BPIFA2: variants seen among roughly 807,000 people sequenced by gnomAD.
BPIFA2 encodes the protein BPI fold containing family A member 2, also known as BPI fold-containing family A member 2.
A neutral mutation model predicts 25.7 loss-of-function variants in BPIFA2; 20 were observed. The ratio of observed to expected loss-of-function variants is 0.78; its 90% CI spans 0.55 to 1.13. The LOEUF is 1.13. Among genes scored for constraint, BPIFA2 ranks in the 50% most tolerant of loss-of-function variants. The probability of loss-of-function intolerance (pLI) is 0.00; values close to 1 mark genes in which losing one functional copy is unlikely to be tolerated. For missense variants in BPIFA2, 300 were observed against 298.1 expected (o/e 1.01, Z -0.05); for synonymous variants, 126 against 124.3 (o/e 1.01, Z -0.09).
At chr20:33,177,747 A>C (rs936808698) in intron 5 of BPIFA2, among the ~76,000 whole-genome samples, 3 of 152,204 alleles carry the variant, frequency 2.0e-5, no homozygotes, top group African/African-American at 7.2e-5. Context: ...GGGAGGAGCC[A>C]ACTTTGGCAA....
upstream of BPIFA2, among the ~76,000 whole-genome samples, chr20:33,165,325 A>G (rs1983691783): frequency 6.6e-6 from 1 of 152,368 alleles, no homozygotes; most frequent in East Asian, 1.9e-4. Context: ...CAAAATGGTG[A>G]CAAGCCTTTC....
At position 33,175,438 on chromosome 20, in the gene BPIFA2, G is replaced by C. The variant is rs780402744; in HGVS notation, c.442G>C (p.Ala148Pro). The C allele has an allele frequency of 2.5e-6, 4 of 1,613,970 alleles. No homozygotes were observed. The South Asian group carries it at 3.3e-5, about 13-fold the overall frequency. The part of the protein sequence containing the change: ...PIIGQIINLK[A>P]SLDLLTAVTI... Reference sequence around the variant, plus strand: ...CATTGGCCAGATTATCAACCTGAAAGCCTCCTTGGACCTCCTGACCGCAGT... The same window carrying C: ...CATTGGCCAGATTATCAACCTGAAACCCTCCTTGGACCTCCTGACCGCAGT... The change falls in exon 5 of 9, where the codon GCC becomes CCC. Residue 148 changes from alanine to proline, a missense_variant. Coordinates refer to ENST00000354932, the MANE Select transcript of BPIFA2 (RefSeq NM_080574.4).
At chr20:33,172,506 A>T (rs1239605503) in intron 2 of BPIFA2, among the ~76,000 whole-genome samples, 2 of 151,758 alleles carry the variant, frequency 1.3e-5, no homozygotes, top group East Asian at 3.9e-4. Flanking sequence ...TTTCTCCTGG[A>T]TTCTAGATTT....
chr20:33,169,346 C>T (rs749373111), intron 2 of BPIFA2, 44 bp downstream of exon 2: 60 of 1,591,542 alleles, frequency 3.8e-5, no homozygotes, highest in Non-Finnish European at 5.2e-5. Flanking sequence ...AAATTAGCCT[C>T]CTAAACACTA....
Position 33,175,282 on chromosome 20 carries a change from T to C in BPIFA2, c.411-125T>C, listed in dbSNP as rs1984035851. 4.2e-6 allele frequency: 4 copies of C among 943,518 alleles called. No individual in the cohort carries two copies. In the Admixed American group the frequency reaches 7.5e-5, roughly 18 times the overall value. The allele number at this position is 943,518 out of a possible 1,614,324, so 58.4% of individuals were successfully genotyped here. Reference sequence around the variant, plus strand: ...ATAGAGGATATGGACCATGTTGATATTACCTGGGCCATGTTGACATTACAC... The same window carrying C: ...ATAGAGGATATGGACCATGTTGATACTACCTGGGCCATGTTGACATTACAC... On this transcript the variant is annotated intron_variant, in intron 4 of 8. Transcript: ENST00000354932.
chr20:33,169,160 G>C lies in BPIFA2; in HGVS notation c.15G>C (p.Trp5Cys). MLQL[W>C]KLVLLCGVLT... ...CAAGACAAAAGATGCTTCAGCTTTG[G>C]AAACTTGTTCTCCTGTGCGGCGTGC... Residue 5 changes from tryptophan (W) to cysteine (C), a missense_variant, in exon 2 of 9, where the codon TGG becomes TGC. Coordinates refer to ENST00000354932, the MANE Select transcript of BPIFA2 (RefSeq NM_080574.4). 6.2e-7 allele frequency: 1 copy of C among 1,614,140 alleles called. No individual in the cohort carries two copies. The highest frequency in any genetic ancestry group is 8.5e-7 in the Non-Finnish European group (1 of 1,179,982).
chr20:33,178,115 A>C (rs1011647294), intron 5 of BPIFA2, 32 bp from the exon 6 acceptor site: 5 of 1,539,400 alleles, frequency 3.2e-6, no homozygotes, highest in Non-Finnish European at 4.5e-6. Flanking sequence ...TGCCCACTTG[A>C]CCAGACTTTA....
intron 6 of BPIFA2, among the ~76,000 whole-genome samples, chr20:33,179,275 CA>C (rs1984189289): frequency 6.6e-6 from 1 of 151,744 alleles, no homozygotes; most frequent in South Asian, 2.1e-4. Flanking sequence ...ACTGAAAATA[CA>C]AAAATTAGCC....
Position 33,169,134 on chromosome 20 carries a change from T to C in BPIFA2, c.-12T>C. 6 of 1,613,482 alleles carry C rather than the reference T, an allele frequency of 3.7e-6. No individual in the cohort carries two copies. The highest frequency in any genetic ancestry group is 5.1e-6 in the Non-Finnish European group (6 of 1,179,506). ...TGTTCTTCCCATGACTGTCCAGGTG[T>C]CAAGACAAAAGATGCTTCAGCTTTG... On this transcript the variant is annotated 5_prime_UTR_variant, in exon 2 of 9. Transcript: ENST00000354932.
At chr20:33,173,596 C>T (rs1329231379) in intron 3 of BPIFA2, among the ~76,000 whole-genome samples, 1 of 152,152 alleles carries the variant, frequency 6.6e-6, no homozygotes, top group Admixed American at 6.5e-5. Context: ...GCCTCGCCTC[C>T]TGGGTTCAAG....
intron 2 of BPIFA2, among the ~76,000 whole-genome samples, chr20:33,170,445 T>C (rs1983861670): frequency 6.6e-6 from 1 of 152,198 alleles, no homozygotes; most frequent in African/African-American, 2.4e-5. Context: ...AAGGTCTCAC[T>C]CTGTCACCCA....
chr20:33,166,575 C>A (rs1983732342), upstream of BPIFA2, among the ~76,000 whole-genome samples: 1 of 152,188 alleles, frequency 6.6e-6, no homozygotes, highest in Admixed American at 6.5e-5. Flanking sequence ...GCCTGAGGCT[C>A]AGCAAGGTGC....
chr20:33,177,854 G>C (rs1984135024), intron 5 of BPIFA2, among the ~76,000 whole-genome samples: 1 of 152,124 alleles, frequency 6.6e-6, no homozygotes, highest in Non-Finnish European at 1.5e-5. Flanking sequence ...GTATCCTCAG[G>C]GCCCAGCTAG....
upstream of BPIFA2, among the ~76,000 whole-genome samples, chr20:33,165,863 G>T (rs147628385): frequency 6.6e-6 from 1 of 152,214 alleles, no homozygotes; most frequent in African/African-American, 2.4e-5. Context: ...GCACACAGGA[G>T]GAGTTGTCAC....
rs542328871 is a variant in BPIFA2 at position 33,175,627 on chromosome 20, G to A, written c.563+68G>A. 2.0e-6 allele frequency: 3 copies of A among 1,532,012 alleles called. No individual in the cohort carries two copies. The South Asian group carries it at 3.6e-5, about 19-fold the overall frequency. The allele number at this position is 1,532,012 out of a possible 1,614,324, so 94.9% of individuals were successfully genotyped here. On this transcript the variant is annotated intron_variant, in intron 5 of 8. Coordinates refer to ENST00000354932, the MANE Select transcript of BPIFA2 (RefSeq NM_080574.4). ...TTGAGGACCCCTAATTTCAGCTCTA[G>A]TCCTCTACCTAAGAGGAGGCCTAGT...
intron 2 of BPIFA2, among the ~76,000 whole-genome samples, chr20:33,170,631 T>A (rs1008875999): frequency 6.6e-6 from 1 of 152,194 alleles, no homozygotes; most frequent in African/African-American, 2.4e-5. Context: ...CGGCCTCAAG[T>A]GATCCTCCTG....
intron 4 of BPIFA2, among the ~76,000 whole-genome samples, chr20:33,175,159 A>G (rs1282042161): frequency 6.6e-6 from 1 of 152,232 alleles, no homozygotes; most frequent in African/African-American, 2.4e-5. Context: ...GTTAACTATT[A>G]TTATTTTACT....
At position 33,172,948 on chromosome 20, in the gene BPIFA2, G is replaced by A. The variant is rs2146453261; in HGVS notation, c.174G>A (p.Leu58=). The change falls in exon 3 of 9, where the codon CTG becomes CTA. Residue 58 remains leucine (L), a synonymous_variant. Transcript: ENST00000354932. ...TTTTGGCAGGCATCCTTGAGAAACT[G>A]AAGGTCGACCTAGGAGTGCTTCAGA... ...DNTLKGILEK[L]KVDLGVLQKS... 6.2e-7 allele frequency: 1 copy of A among 1,612,856 alleles called. No individual in the cohort carries two copies. The highest frequency in any genetic ancestry group is 1.7e-5 in the Admixed American group (1 of 59,742).
chr20:33,169,393 C>G, intron 2 of BPIFA2, 91 bp downstream of exon 2: 4 of 1,332,024 alleles, frequency 3.0e-6, no homozygotes, highest in Non-Finnish European at 4.2e-6. Context: ...AGGGGCTACT[C>G]TTTATGGGCG....
Sources: allele counts gnomAD v4.1 joint callset (sites outside exome capture counted in the v4.1 genomes callset), GRCh38; gene constraint gnomAD v4.1.1; transcripts MANE v1.5; gene names NCBI Gene and HGNC (gene_info 2026-07-23, HGNC 2026-07-21).